Variants in DOCK3 observed in about 807,000 individuals in gnomAD.
DOCK3 encodes dedicator of cytokinesis 3, also known as dedicator of cytokinesis protein 3.
In DOCK3, 60 loss-of-function variants were observed where a neutral mutation model predicts 265.6. The ratio of observed to expected loss-of-function variants is 0.23; its 90% CI spans 0.18 to 0.28. DOCK3 has a LOEUF of 0.28. DOCK3 is among the 10% of genes least tolerant of loss of function. The pLI, the probability that DOCK3 is intolerant of heterozygous loss-of-function variation, is 1.00. For missense variants in DOCK3, 1,981 were observed against 2,594.3 expected, an observed-to-expected ratio of 0.76 and a Z score of 5.14; for synonymous variants, 881 against 938.0, an observed-to-expected ratio of 0.94 and a Z score of 1.11.
chr3:50,837,543 C>T (rs1382613189), intron 2 of DOCK3, among the ~76,000 whole-genome samples: 3 of 152,176 alleles, frequency 2.0e-5, no homozygotes, highest in Admixed American at 2.0e-4. Context: ...GATTCAGTTA[C>T]CTCCCACTGG....
At chr3:50,824,269 G>A (rs2044631678) in intron 2 of DOCK3, among the ~76,000 whole-genome samples, 1 of 152,134 alleles carries the variant, frequency 6.6e-6, no homozygotes, top group Non-Finnish European at 1.5e-5. Flanking sequence ...ATAGTTCTCT[G>A]GTCACCTGGA....
chr3:51,047,063 T>G (rs1024347177), intron 5 of DOCK3, among the ~76,000 whole-genome samples: 4 of 152,022 alleles, frequency 2.6e-5, no homozygotes, highest in Non-Finnish European at 5.9e-5. Flanking sequence ...AAATTTATAG[T>G]GATAAATATC....
At chr3:50,815,946 C>T (rs2044047081) in intron 2 of DOCK3, among the ~76,000 whole-genome samples, 1 of 151,924 alleles carries the variant, frequency 6.6e-6, no homozygotes, top group Non-Finnish European at 1.5e-5. Flanking sequence ...CATCAGCTTA[C>T]TTTTTTGTAA....
At chr3:50,713,136 A>T (rs1178991499) in intron 1 of DOCK3, among the ~76,000 whole-genome samples, 3 of 152,226 alleles carry the variant, frequency 2.0e-5, no homozygotes, top group African/African-American at 7.2e-5. Flanking sequence ...TGGTGCCTCA[A>T]CTTTAAGTGT....
At chr3:51,059,954 A>G (rs1045150882) in intron 5 of DOCK3, among the ~76,000 whole-genome samples, 1 of 152,028 alleles carries the variant, frequency 6.6e-6, no homozygotes. Context: ...AATTTTGTCA[A>G]ATCTTTTAAA....
intron 2 of DOCK3, among the ~76,000 whole-genome samples, chr3:50,828,967 C>T (rs1406576753): frequency 2.6e-5 from 4 of 152,166 alleles, no homozygotes; most frequent in African/African-American, 9.7e-5. Context: ...CTGCCTTGGC[C>T]TCCTAGAGTG....
rs1054257510 is a variant in DOCK3, at chr3:50,737,023, C to T, written c.38-41652C>T. Among the ~76,000 whole-genome samples the T allele has an allele frequency of 4.6e-5, 7 of 152,092 alleles. No homozygotes were observed. The South Asian group carries it at 6.2e-4, about 14-fold the overall frequency. Reference sequence around the variant, plus strand: ...TGTCTTCTTTTGAGTAGTGTCTGTTCGTATCCTTCGCCCACTTTTTGATGG... The same window carrying T: ...TGTCTTCTTTTGAGTAGTGTCTGTTTGTATCCTTCGCCCACTTTTTGATGG... On this transcript the variant is annotated intron_variant, in intron 1 of 52. Coordinates refer to ENST00000266037, the MANE Select transcript of DOCK3 (RefSeq NM_004947.5).
chr3:50,999,459 A>G (rs2078396432), intron 5 of DOCK3, among the ~76,000 whole-genome samples: 1 of 152,190 alleles, frequency 6.6e-6, no homozygotes, highest in African/African-American at 2.4e-5. Context: ...AAACCTAGTT[A>G]TTTACCTTGA....
At chr3:50,941,336 A>G (rs2076289891) in intron 5 of DOCK3, among the ~76,000 whole-genome samples, 1 of 152,150 alleles carries the variant, frequency 6.6e-6, no homozygotes, top group African/African-American at 2.4e-5. Context: ...ATTAGCCAAT[A>G]GAGTAATGCA....
intron 9 of DOCK3, among the ~76,000 whole-genome samples, chr3:51,111,136 TCTC>T (rs1270773538): frequency 6.6e-6 from 1 of 151,948 alleles, no homozygotes; most frequent in Non-Finnish European, 1.5e-5. Flanking sequence ...AGGTGAGAGA[TCTC>T]TACAATGAGA....
chr3:51,278,675 C>T, intron 26 of DOCK3: 2 of 503,720 alleles, frequency 4.0e-6, no homozygotes, highest in African/African-American at 4.2e-5. Flanking sequence ...CTAACCAACA[C>T]TTACACAGTG....
chr3:50,726,134 A>G (rs2037808114), intron 1 of DOCK3, among the ~76,000 whole-genome samples: 1 of 152,144 alleles, frequency 6.6e-6, no homozygotes, highest in African/African-American at 2.4e-5. Context: ...ATAGTTTTGT[A>G]TTGTTTAGGG....
chr3:50,959,882 CTA>C (rs1286925937), intron 5 of DOCK3, among the ~76,000 whole-genome samples: 31 of 152,258 alleles, frequency 2.0e-4, no homozygotes, highest in African/African-American at 7.2e-4. Flanking sequence ...GCCCAGCCCT[CTA>C]TGTGTATATT....
chr3:51,027,952 T>C (rs527522124), intron 5 of DOCK3, among the ~76,000 whole-genome samples: 89 of 152,254 alleles, frequency 5.8e-4, no homozygotes, highest in African/African-American at 1.9e-3. Context: ...TTGATATTGA[T>C]ATATGAGATT....
intron 1 of DOCK3, among the ~76,000 whole-genome samples, chr3:50,710,571 C>T (rs1188893027): frequency 6.6e-6 from 1 of 152,174 alleles, no homozygotes; most frequent in Non-Finnish European, 1.5e-5. Context: ...GGAATGTAAA[C>T]TAGTACAACC....
At chr3:50,907,737 T>G (rs1335400316) in intron 4 of DOCK3, among the ~76,000 whole-genome samples, 2 of 152,096 alleles carry the variant, frequency 1.3e-5, no homozygotes, top group East Asian at 3.8e-4. Flanking sequence ...AATTGGAGCA[T>G]TTAGCCCATT....
chr3:51,158,539 T>C (rs1016978810), intron 10 of DOCK3, among the ~76,000 whole-genome samples: 1 of 152,086 alleles, frequency 6.6e-6, no homozygotes, highest in Non-Finnish European at 1.5e-5. Context: ...CAAGATCTTG[T>C]TTTTTAAAGA....
chr3:50,924,251 T>C (rs2108067506), intron 4 of DOCK3, among the ~76,000 whole-genome samples: 1 of 152,352 alleles, frequency 6.6e-6, no homozygotes, highest in African/African-American at 2.4e-5. Context: ...ACCCATGTAT[T>C]GTGGTTATGG....
intron 33 of DOCK3, among the ~76,000 whole-genome samples, chr3:51,330,470 A>C (rs2084441093): frequency 6.6e-6 from 1 of 152,174 alleles, no homozygotes; most frequent in South Asian, 2.1e-4. Flanking sequence ...CTGACAGGAA[A>C]AGGATCATTG....
Sources: gnomAD v4.1 joint callset for allele counts (sites outside exome capture counted in the v4.1 genomes callset) on GRCh38, gnomAD v4.1.1 for gene constraint, MANE v1.5 for transcripts, NCBI Gene and HGNC (gene_info 2026-07-23, HGNC 2026-07-21) for gene names.